Variants in DAB1 observed in about 807,000 individuals in gnomAD.
DAB1 encodes disabled homolog 1.
A neutral mutation model predicts 64.6 loss-of-function variants in DAB1; 15 were observed. The observed-to-expected ratio is 0.23, with a 90% confidence interval of 0.16 to 0.36. The LOEUF is 0.36. DAB1 is among the 10% of genes least tolerant of loss of function. DAB1 has a pLI of 1.00. For synonymous variants in DAB1, 235 were observed against 251.9 expected, an observed-to-expected ratio of 0.93 and a Z score of 0.64; for missense variants, 596 against 706.7, an observed-to-expected ratio of 0.84 and a Z score of 1.78.
chr1:58,220,888 C>T (rs1217816236), intron 4 of DAB1, among the ~76,000 whole-genome samples: 2 of 151,438 alleles, frequency 1.3e-5, no homozygotes, highest in Non-Finnish European at 2.9e-5. Flanking sequence ...CACACACACA[C>T]ACATATATAT....
chr1:58,182,822 T>C (rs953333225), intron 4 of DAB1, among the ~76,000 whole-genome samples: 1 of 152,160 alleles, frequency 6.6e-6, no homozygotes, highest in African/African-American at 2.4e-5. Context: ...TTTAACTACT[T>C]TTTTTCTGAG....
chr1:57,186,501 C>T (rs1479111045), intron 2 of DAB1, among the ~76,000 whole-genome samples: 1 of 152,200 alleles, frequency 6.6e-6, no homozygotes, highest in Non-Finnish European at 1.5e-5. Flanking sequence ...GTTCCATTTT[C>T]CATTGAAACA....
chr1:57,072,423 G>GA lies in DAB1; in HGVS notation c.307-10dup, dbSNP rs530942620. 4.2e-4 allele frequency: 676 copies of GA among 1,595,596 alleles called. 8 individuals are homozygous for GA. In the East Asian group the frequency reaches 0.012, roughly 28 times the overall value. On this transcript the variant is annotated splice_polypyrimidine_tract_variant and intron_variant, in intron 4 of 14. Transcript: ENST00000371236. The stretch of plus-strand genomic sequence containing the variant: ...TGATGATGCTGAAGGGCCTATCAGA[G>GA]AAAAAAAAGGAAGAACATATTTCAG...
chr1:57,138,786 G>A (rs1658343196), intron 3 of DAB1, among the ~76,000 whole-genome samples: 1 of 152,118 alleles, frequency 6.6e-6, no homozygotes, highest in Non-Finnish European at 1.5e-5. Context: ...ATGCCAAATT[G>A]CATCTCCTTT....
upstream of DAB1, among the ~76,000 whole-genome samples, chr1:57,888,144 T>A (rs1015738084): frequency 3.9e-5 from 6 of 152,192 alleles, no homozygotes; most frequent in Non-Finnish European, 8.8e-5. Context: ...TAATTTGAAA[T>A]GTTTTCTTTG....
At chr1:57,115,097 C>T (rs755654664) in intron 4 of DAB1, among the ~76,000 whole-genome samples, 1 of 152,190 alleles carries the variant, frequency 6.6e-6, no homozygotes, top group Non-Finnish European at 1.5e-5. Context: ...CTCCATCTCA[C>T]CGGCTCACAG....
At chr1:58,220,159 T>C (rs867540067) in intron 4 of DAB1, among the ~76,000 whole-genome samples, 10 of 152,246 alleles carry the variant, frequency 6.6e-5, no homozygotes, top group Admixed American at 1.3e-4. Context: ...CTTTTTGTCA[T>C]TGGGGGCCTT....
At chr1:57,901,093 G>A (rs1644466809) in intron 5 of DAB1, among the ~76,000 whole-genome samples, 1 of 152,072 alleles carries the variant, frequency 6.6e-6, no homozygotes, top group African/African-American at 2.4e-5. Flanking sequence ...TACCAAAGAG[G>A]AAAACAAAGG....
chr1:57,185,670 T>C (rs1207912051), intron 2 of DAB1, among the ~76,000 whole-genome samples: 2 of 152,272 alleles, frequency 1.3e-5, no homozygotes, highest in Non-Finnish European at 1.5e-5. Context: ...TTAGCGCAGA[T>C]GGAAGGTGGT....
intron 7 of DAB1, among the ~76,000 whole-genome samples, chr1:57,494,664 T>C (rs1325199189): frequency 6.6e-6 from 1 of 152,198 alleles, no homozygotes; most frequent in Admixed American, 6.5e-5. Flanking sequence ...TTATAGGTCA[T>C]CCAGTTTGAG....
chr1:57,288,274 G>A (rs1339675786), intron 2 of DAB1, among the ~76,000 whole-genome samples: 3 of 152,142 alleles, frequency 2.0e-5, no homozygotes, highest in East Asian at 3.9e-4. Context: ...ATATCTATGC[G>A]ATGGTGATGA....
In DAB1 at chr1:58,404,224, C is replaced by A. The variant is rs143642707; in HGVS notation, n.258-60821G>T. Among the ~76,000 whole-genome samples, 849 of 152,314 alleles carry A rather than the reference C, an allele frequency of 5.6e-3. 7 individuals carry two copies. The highest frequency in any genetic ancestry group is 0.02 in the Middle Eastern group (6 of 294). ...GGCATGGAACCTAAGTTCCTCCAAG[C>A]CCTGTGAGTCTAAGAGTCTAAGAGC... On this transcript the variant is annotated intron_variant and non_coding_transcript_variant, in intron 3 of 20. Coordinates refer to the DAB1 transcript ENST00000485760.
chr1:57,975,088 G>A (rs1040025193), intron 5 of DAB1, among the ~76,000 whole-genome samples: 5 of 152,110 alleles, frequency 3.3e-5, no homozygotes, highest in African/African-American at 9.7e-5. Context: ...GGGAGATTAA[G>A]TTGTGAAGTT....
At chr1:57,099,335 G>T (rs1654457078) in intron 4 of DAB1, among the ~76,000 whole-genome samples, 1 of 152,248 alleles carries the variant, frequency 6.6e-6, no homozygotes, top group Non-Finnish European at 1.5e-5. Context: ...TGTTTAGCAT[G>T]ATGTCTGAGC....
intron 5 of DAB1, among the ~76,000 whole-genome samples, chr1:57,891,977 A>G (rs1236201641): frequency 6.6e-6 from 1 of 152,230 alleles, no homozygotes; most frequent in Admixed American, 6.5e-5. Context: ...CAAGTATCCC[A>G]GAACTTAAAA....
chr1:58,190,069 C>A (rs1200104144), intron 4 of DAB1, among the ~76,000 whole-genome samples: 1 of 152,150 alleles, frequency 6.6e-6, no homozygotes, highest in African/African-American at 2.4e-5. Context: ...AGACCCAGGT[C>A]AGCTAATACT....
intron 5 of DAB1, among the ~76,000 whole-genome samples, chr1:58,064,378 A>G (rs1290593643): frequency 6.6e-6 from 1 of 152,202 alleles, no homozygotes; most frequent in East Asian, 1.9e-4. Flanking sequence ...CATGGAGACC[A>G]CGTTTTAGCA....
At chr1:57,018,694 G>A (rs1030932029) in intron 11 of DAB1, among the ~76,000 whole-genome samples, 4 of 152,148 alleles carry the variant, frequency 2.6e-5, no homozygotes, top group African/African-American at 9.7e-5. Context: ...TTTTGGCTTT[G>A]CTTTTATTCC....
chr1:57,404,270 T>C (rs948888111), intron 1 of DAB1, among the ~76,000 whole-genome samples: 3 of 152,192 alleles, frequency 2.0e-5, no homozygotes, highest in African/African-American at 7.2e-5. Flanking sequence ...CAGAATAAAC[T>C]TCACAAAGTA....
Sources: gnomAD v4.1 joint callset for allele counts (sites outside exome capture counted in the v4.1 genomes callset) on GRCh38, gnomAD v4.1.1 for gene constraint, MANE v1.5 for transcripts, NCBI Gene and HGNC (gene_info 2026-07-23, HGNC 2026-07-21) for gene names.